Variants in DGKB observed in about 807,000 individuals in gnomAD.
DGKB encodes the protein 90 kDa diacylglycerol kinase.
DGKB carries 67 observed loss-of-function variants against 114.3 expected under a neutral mutation model. The observed-to-expected ratio is 0.59, with a 90% confidence interval of 0.48 to 0.72. The LOEUF is 0.72. Among genes scored for constraint, DGKB ranks in the 30% least tolerant of loss-of-function variants. The pLI is 0.00. For synonymous variants in DGKB, 398 were observed against 323.1 expected (o/e 1.23, Z -2.49); for missense variants, 907 against 975.2 (o/e 0.93, Z 0.93).
intron 1 of DGKB, among the ~76,000 whole-genome samples, chr7:14,843,558 T>C (rs1325097656): frequency 6.6e-6 from 1 of 151,520 alleles, no homozygotes; most frequent in Non-Finnish European, 1.5e-5. Context: ...ATGGTCTCGA[T>C]CTCCTGACCT....
At chr7:14,474,124 C>T (rs969054913) in intron 21 of DGKB, among the ~76,000 whole-genome samples, 1 of 152,114 alleles carries the variant, frequency 6.6e-6, no homozygotes, top group Non-Finnish European at 1.5e-5. Flanking sequence ...TGGCCATATT[C>T]CCACTCAAAT....
chr7:14,335,188 A>G (rs1431428730), intron 23 of DGKB, among the ~76,000 whole-genome samples: 1 of 152,202 alleles, frequency 6.6e-6, no homozygotes, highest in Non-Finnish European at 1.5e-5. Flanking sequence ...GAAGTCCCAG[A>G]TTATGTACAG....
intron 23 of DGKB, among the ~76,000 whole-genome samples, chr7:14,305,689 C>A (rs1804350908): frequency 6.6e-6 from 1 of 152,118 alleles, no homozygotes; most frequent in African/African-American, 2.4e-5. Flanking sequence ...AGTGGTCCCA[C>A]AGATTGCACC....
intron 23 of DGKB, among the ~76,000 whole-genome samples, chr7:14,321,928 A>C (rs1168232637): frequency 6.6e-6 from 1 of 152,234 alleles, no homozygotes; most frequent in Non-Finnish European, 1.5e-5. Flanking sequence ...GAAGACTCAG[A>C]CTGTAAAAAT....
intron 1 of DGKB, among the ~76,000 whole-genome samples, chr7:14,944,542 C>A (rs1785756588): frequency 6.6e-6 from 1 of 151,766 alleles, no homozygotes; most frequent in South Asian, 2.1e-4. Flanking sequence ...CACATAATTT[C>A]TCTTCTGTAA....
At chr7:14,591,110 G>C (rs1035644920) in intron 17 of DGKB, among the ~76,000 whole-genome samples, 1 of 152,104 alleles carries the variant, frequency 6.6e-6, no homozygotes, top group Non-Finnish European at 1.5e-5. Flanking sequence ...GCAGGGTCCT[G>C]CATGGCACTG....
At chr7:14,921,106 T>C (rs1240554032) in intron 1 of DGKB, among the ~76,000 whole-genome samples, 2 of 152,080 alleles carry the variant, frequency 1.3e-5, no homozygotes, top group African/African-American at 4.8e-5. Context: ...TCCTCCCATC[T>C]GACATTTCGA....
At chr7:14,896,261 T>C (rs1782083129) in intron 1 of DGKB, among the ~76,000 whole-genome samples, 1 of 151,752 alleles carries the variant, frequency 6.6e-6, no homozygotes, top group Non-Finnish European at 1.5e-5. Flanking sequence ...CCTTTCCTCA[T>C]CATTTTAGGT....
At chr7:14,756,300 T>C (rs1477951981) in intron 3 of DGKB, among the ~76,000 whole-genome samples, 1 of 152,040 alleles carries the variant, frequency 6.6e-6, no homozygotes, top group Non-Finnish European at 1.5e-5. Context: ...CATCTTTACG[T>C]TTCCCACCCT....
At chr7:14,969,254 C>T (rs1030435239) in intron 1 of DGKB, among the ~76,000 whole-genome samples, 1 of 152,228 alleles carries the variant, frequency 6.6e-6, no homozygotes, top group Admixed American at 6.5e-5. Flanking sequence ...CTGTGTAACA[C>T]AAATATGCCT....
chr7:14,830,901 G>GT (rs1846320450), intron 2 of DGKB, among the ~76,000 whole-genome samples: 1 of 151,666 alleles, frequency 6.6e-6, no homozygotes, highest in Non-Finnish European at 1.5e-5. Flanking sequence ...AAGAAAAACT[G>GT]TGTGCACACA....
At chr7:14,268,413 T>C (rs1232647739) in intron 23 of DGKB, among the ~76,000 whole-genome samples, 2 of 152,178 alleles carry the variant, frequency 1.3e-5, no homozygotes, top group African/African-American at 4.8e-5. Context: ...CGTATTTTAG[T>C]ATCCAGATAT....
chr7:14,368,429 T>A (rs1037318621), intron 21 of DGKB, among the ~76,000 whole-genome samples: 3 of 152,164 alleles, frequency 2.0e-5, no homozygotes, highest in African/African-American at 7.2e-5. Flanking sequence ...ATAGGTAAAG[T>A]ATTTAGCACT....
chr7:14,418,989 A>T (rs141392531), intron 21 of DGKB, among the ~76,000 whole-genome samples: 95 of 152,038 alleles, frequency 6.2e-4, no homozygotes, highest in African/African-American at 2.3e-3. Context: ...GGTTCTGCAT[A>T]GCACATTAGG....
In DGKB at chr7:14,583,152, T is replaced by G. The variant is rs762394488; in HGVS notation, c.1434-15A>C. On this transcript the variant is annotated splice_polypyrimidine_tract_variant and intron_variant, in intron 17 of 25. Transcript: ENST00000402815. ...AAAAGTTTAACCTGAAAAATAAGCA[T>G]GTTATGGCACATGATTAATAGTTTA... 1 of 1,530,890 alleles carries G rather than the reference T, an allele frequency of 6.5e-7. No homozygotes were observed. The highest frequency in any genetic ancestry group is 2.3e-5 in the East Asian group (1 of 44,300). 94.8% of individuals were successfully genotyped at this position (1,530,890 alleles called of 1,614,324 possible).
At chr7:14,581,012 T>C in intron 18 of DGKB, 61 bp from the exon 19 acceptor site, 2 of 1,185,636 alleles carry the variant, frequency 1.7e-6, no homozygotes, top group Non-Finnish European at 2.4e-6. Flanking sequence ...ACGACGGAAA[T>C]AAAAAGATAG....
intron 20 of DGKB, among the ~76,000 whole-genome samples, chr7:14,543,261 T>G: frequency 6.6e-6 from 1 of 151,822 alleles, no homozygotes; most frequent in East Asian, 1.9e-4. Context: ...CTGGGCAACA[T>G]GGCAAGACCC....
intron 15 of DGKB, among the ~76,000 whole-genome samples, chr7:14,614,957 A>T (rs1230809263): frequency 2.6e-5 from 4 of 152,044 alleles, no homozygotes; most frequent in Non-Finnish European, 5.9e-5. Flanking sequence ...TATTATCTTT[A>T]AGCCATGGTG....
chr7:14,308,195 G>C (rs953776661), intron 23 of DGKB, among the ~76,000 whole-genome samples: 4 of 151,928 alleles, frequency 2.6e-5, no homozygotes, highest in African/African-American at 9.7e-5. Context: ...GTAATTTCAT[G>C]TCATAAACAT....
Sources: allele counts gnomAD v4.1 joint callset (sites outside exome capture counted in the v4.1 genomes callset), GRCh38; gene constraint gnomAD v4.1.1; transcripts MANE v1.5; gene names NCBI Gene and HGNC (gene_info 2026-07-23, HGNC 2026-07-21).